FMNL2: variants seen among roughly 807,000 people sequenced by gnomAD.
FMNL2 encodes formin-like protein 2.
A neutral mutation model predicts 130.2 loss-of-function variants in FMNL2; 51 were observed. That is an observed-to-expected ratio of 0.39 (90% CI 0.31 to 0.49). FMNL2 has a LOEUF of 0.49. Ranked by LOEUF, FMNL2 falls within the 20% of genes least tolerant of loss-of-function variation. FMNL2 has a pLI of 0.85. For missense variants in FMNL2, 977 were observed against 1,316.2 expected (o/e 0.74, Z 3.99); for synonymous variants, 465 against 467.1 (o/e 1.00, Z 0.06).
At chr2:152,607,006 G>GTTTT (rs58237890) in intron 9 of FMNL2, among the ~76,000 whole-genome samples, 3,588 of 84,560 alleles carry the variant, frequency 0.042, 41 homozygotes, top group East Asian at 0.17. Context: ...TTTTTTTTTT[G>GTTTT]TTTTTTTTTT....
At chr2:152,457,213 A>G (rs1689007491) in intron 1 of FMNL2, among the ~76,000 whole-genome samples, 2 of 152,172 alleles carry the variant, frequency 1.3e-5, no homozygotes, top group Non-Finnish European at 2.9e-5. Flanking sequence ...TGAGAAATTA[A>G]GATTTGTTTG....
intron 1 of FMNL2, among the ~76,000 whole-genome samples, chr2:152,361,708 C>A (rs1173831518): frequency 6.6e-6 from 1 of 152,058 alleles, no homozygotes; most frequent in Non-Finnish European, 1.5e-5. Context: ...CAGCCATGTC[C>A]TTAAGATCCC....
At chr2:152,382,595 ATTATGGAC>A (rs890924505) in intron 1 of FMNL2, among the ~76,000 whole-genome samples, 12 of 152,188 alleles carry the variant, frequency 7.9e-5, no homozygotes, top group African/African-American at 2.9e-4. Context: ...CTCTTAATGT[ATTATGGAC>A]TTGAAATTTG....
At chr2:152,504,154 G>C (rs1029316332) in intron 1 of FMNL2, among the ~76,000 whole-genome samples, 1 of 152,206 alleles carries the variant, frequency 6.6e-6, no homozygotes, top group Non-Finnish European at 1.5e-5. Context: ...TCGTGCCACT[G>C]CACTCCAGCC....
At chr2:152,412,095 CTG>C (rs1686318997) in intron 1 of FMNL2, among the ~76,000 whole-genome samples, 2 of 152,134 alleles carry the variant, frequency 1.3e-5, no homozygotes, top group Non-Finnish European at 2.9e-5. Context: ...ATGCTGCTAA[CTG>C]TAAGCTTTTA....
In FMNL2 at chr2:152,558,720, T is replaced by TG. The variant is rs200953857; in HGVS notation, c.360-20_360-19insG. ...TGTGATCAATTTCTCCAATGATTTT[T>TG]TTTTTTTTTTCCCCAACAGATGGGT... On this transcript the variant is annotated intron_variant, in intron 4 of 25. Transcript: ENST00000288670. The TG allele has an allele frequency of 0.38, 602,428 of 1,584,388 alleles. 116,935 individuals are homozygous for TG. The highest frequency in any genetic ancestry group is 0.53 in the East Asian group (23,463 of 44,286).
Position 152,647,909 on chromosome 2 carries a change from T to G in FMNL2, c.*4T>G, listed in dbSNP as rs186657614. 8.9e-5 allele frequency: 143 copies of G among 1,609,774 alleles called. 1 individual carries two copies. In the East Asian group the frequency reaches 3.1e-3, roughly 35 times the overall value. On this transcript the variant is annotated 3_prime_UTR_variant, in exon 26 of 26. Coordinates refer to ENST00000288670, the MANE Select transcript of FMNL2 (RefSeq NM_052905.4). ...TGGTGCCGAAATAACAATGTGAACC[T>G]GAGACTGGCCTGCATGAATACAGGG...
chr2:152,625,021 T>A (rs1024699846), intron 15 of FMNL2: 2 of 159,188 alleles, frequency 1.3e-5, no homozygotes, highest in African/African-American at 4.8e-5. Context: ...AAACATGTGG[T>A]CTGCAACCAA....
At chr2:152,376,314 G>A (rs1053610711) in intron 1 of FMNL2, among the ~76,000 whole-genome samples, 3 of 152,212 alleles carry the variant, frequency 2.0e-5, no homozygotes, top group Non-Finnish European at 2.9e-5. Flanking sequence ...GCTGCTGTGA[G>A]CATTCTTATA....
At chr2:152,554,655 G>T (rs1695111580) in intron 4 of FMNL2, among the ~76,000 whole-genome samples, 1 of 152,162 alleles carries the variant, frequency 6.6e-6, no homozygotes, top group African/African-American at 2.4e-5. Context: ...GGTGAATACA[G>T]GTTTTCCAGA....
At chr2:152,627,132 C>A (rs1681848058) in intron 17 of FMNL2, among the ~76,000 whole-genome samples, 1 of 152,204 alleles carries the variant, frequency 6.6e-6, no homozygotes, top group African/African-American at 2.4e-5. Flanking sequence ...TCTGGAGTAT[C>A]TGGATTTTAT....
intron 4 of FMNL2, among the ~76,000 whole-genome samples, chr2:152,557,352 C>G (rs951308253): frequency 6.6e-6 from 1 of 152,150 alleles, no homozygotes. Flanking sequence ...CTCCAGGTCT[C>G]TCTTAAATTA....
chr2:152,542,892 G>T (rs757338009), intron 3 of FMNL2, 73 bp downstream of exon 3: 47 of 1,506,636 alleles, frequency 3.1e-5, no homozygotes, highest in Non-Finnish European at 4.3e-5. Flanking sequence ...CATTGGAAGA[G>T]ACCTTCCTTC....
chr2:152,629,691 A>G lies in FMNL2; in HGVS notation c.2436A>G (p.Ile812Met), dbSNP rs778739694. The G allele has an allele frequency of 1.2e-6, 2 of 1,603,560 alleles. No individual in the cohort carries two copies. The highest frequency in any genetic ancestry group is 3.4e-5 in the Admixed American group (2 of 58,478). ...CGATTATAGCAGCATCTGTCTCTATAAAGTCGTCCCAAAAACTCAAGAAAA... is the reference window on the plus strand; with the variant it reads ...CGATTATAGCAGCATCTGTCTCTATGAAGTCGTCCCAAAAACTCAAGAAAA... ...LHAIIAASVSIKSSQKLKKIL... is the reference protein window; with the variant it reads ...LHAIIAASVSMKSSQKLKKIL... The change falls in exon 19 of 26, where the codon ATA (isoleucine) becomes ATG (methionine). Residue 812 changes from isoleucine (I) to methionine (M), a missense_variant. Around this residue, in one of 4 missense-constraint regions of FMNL2, gnomAD observed 689 missense variants for 995.9 expected, o/e 0.69. Coordinates refer to ENST00000288670, the MANE Select transcript of FMNL2 (RefSeq NM_052905.4).
intron 1 of FMNL2, among the ~76,000 whole-genome samples, chr2:152,428,340 A>G (rs1687298517): frequency 6.6e-6 from 1 of 152,202 alleles, no homozygotes; most frequent in African/African-American, 2.4e-5. Flanking sequence ...CACAATTTAC[A>G]ATTATTTTAT....
chr2:152,606,795 A>G (rs991643858), intron 9 of FMNL2, among the ~76,000 whole-genome samples: 2 of 151,960 alleles, frequency 1.3e-5, no homozygotes, highest in Non-Finnish European at 2.9e-5. Context: ...CTACTTCACA[A>G]ATTACTGCAG....
At chr2:152,490,043 T>C (rs994561251) in intron 1 of FMNL2, among the ~76,000 whole-genome samples, 26 of 152,200 alleles carry the variant, frequency 1.7e-4, no homozygotes, top group African/African-American at 5.5e-4. Context: ...CAAAGAAAAT[T>C]TGTAGCTGAT....
At chr2:152,550,826 T>C (rs1273158745) in intron 4 of FMNL2, among the ~76,000 whole-genome samples, 1 of 152,158 alleles carries the variant, frequency 6.6e-6, no homozygotes, top group East Asian at 1.9e-4. Flanking sequence ...GCAGCCAAGA[T>C]TTCTACAAAT....
intron 25 of FMNL2, among the ~76,000 whole-genome samples, chr2:152,643,032 C>CA (rs2105976216): frequency 6.6e-6 from 1 of 152,064 alleles, no homozygotes; most frequent in South Asian, 2.1e-4. Context: ...ACAAAACAAA[C>CA]AAAAACCAAA....
Sources: gnomAD v4.1 joint callset for allele counts (sites outside exome capture counted in the v4.1 genomes callset) on GRCh38, gnomAD v4.1.1 for gene constraint, gnomAD v4.1.1 regional missense constraint, MANE v1.5 for transcripts, NCBI Gene and HGNC (gene_info 2026-07-23, HGNC 2026-07-21) for gene names.